The following TNKS2 variants were observed in gnomAD, a reference collection of about 807,000 sequenced individuals.
TNKS2 encodes tankyrase 2.
Under a neutral mutation model 137.6 loss-of-function variants are expected in TNKS2, and 72 were observed. That is an observed-to-expected ratio of 0.52 (90% CI 0.43 to 0.64). The LOEUF is 0.64. TNKS2 is among the 30% of genes least tolerant of loss of function. The probability of loss-of-function intolerance (pLI) is 0.00; values close to 1 mark genes in which losing one functional copy is unlikely to be tolerated. For synonymous variants in TNKS2, 516 were observed against 512.1 expected (o/e 1.01, Z -0.10); for missense variants, 1,049 against 1,410.2 (o/e 0.74, Z 4.10).
chr10:91,861,971 G>A (rs1164950650), intron 25 of TNKS2, 28 bp from the exon 26 acceptor site: 2 of 1,587,448 alleles, frequency 1.3e-6, no homozygotes, highest in Admixed American at 1.8e-5. Flanking sequence ...TTTGACTTCA[G>A]GGTGATCTTT....
At chr10:91,829,405 A>G (rs932368198) in intron 9 of TNKS2, among the ~76,000 whole-genome samples, 3 of 151,654 alleles carry the variant, frequency 2.0e-5, no homozygotes, top group Non-Finnish European at 4.4e-5. Flanking sequence ...TCTGGTCATA[A>G]CTACTGTGAA....
chr10:91,798,773 T>C lies in TNKS2; in HGVS notation c.83T>C (p.Leu28Pro), dbSNP rs900304015. 2 of 1,271,434 alleles carry C rather than the reference T, an allele frequency of 1.6e-6. No homozygotes were observed. Among genetic ancestry groups the C allele is most frequent in the African/African-American group, 1.5e-5 (1 of 64,754 alleles). The allele number at this position is 1,271,434 out of a possible 1,614,324, so 78.8% of individuals were successfully genotyped here. ...AEAVEPAARE[L>P]FEACRNGDVE... ...GCCGTGGAGCCGGCCGCCCGAGAGC[T>C]GTTCGAGGCGTGCCGCAACGGGGAC... The change falls in exon 1 of 27, where the codon CTG becomes CCG. Residue 28 changes from leucine (L) to proline (P), a missense_variant. Leu to Pro is a moderately conservative substitution (Grantham distance 98, BLOSUM62 -3). This residue lies in a region of TNKS2 where 374 missense variants were observed against 460.8 expected (regional missense o/e 0.81). Transcript: ENST00000371627.
chr10:91,804,983 C>T (rs972535518), intron 1 of TNKS2, among the ~76,000 whole-genome samples: 9 of 152,112 alleles, frequency 5.9e-5, no homozygotes, highest in Non-Finnish European at 1.3e-4. Context: ...ATGGTGGTCT[C>T]GAATTCCTGA....
intron 22 of TNKS2, 84 bp from the exon 23 acceptor site, chr10:91,855,524 TAGAATC>T: frequency 3.0e-6 from 3 of 1,010,430 alleles, no homozygotes; most frequent in East Asian, 2.7e-5. Flanking sequence ...TTCTCAAAAA[TAGAATC>T]AGACGAGTCA....
chr10:91,820,945 C>T (rs1471241152), intron 6 of TNKS2, among the ~76,000 whole-genome samples: 1 of 152,208 alleles, frequency 6.6e-6, no homozygotes, highest in Admixed American at 6.5e-5. Flanking sequence ...CAGTGATACA[C>T]ATACGAAATA....
chr10:91,822,019 TC>T (rs917709419), intron 6 of TNKS2, among the ~76,000 whole-genome samples: 1 of 152,146 alleles, frequency 6.6e-6, no homozygotes, highest in Non-Finnish European at 1.5e-5. Context: ...GGGAGCTATT[TC>T]AATAATGCAG....
intron 9 of TNKS2, among the ~76,000 whole-genome samples, chr10:91,829,031 AACTT>A (rs1375120887): frequency 6.6e-6 from 1 of 152,184 alleles, no homozygotes; most frequent in African/African-American, 2.4e-5. Flanking sequence ...GAAAAAAAGA[AACTT>A]AAAGGTAGAA....
At chr10:91,856,568 G>A (rs1476438018) in intron 23 of TNKS2, among the ~76,000 whole-genome samples, 2 of 152,164 alleles carry the variant, frequency 1.3e-5, no homozygotes, top group Non-Finnish European at 2.9e-5. Flanking sequence ...CAGGAGAGAG[G>A]TTGTGTGTTT....
chr10:91,836,062 G>A (rs1404539517), intron 12 of TNKS2, among the ~76,000 whole-genome samples: 7 of 94,440 alleles, frequency 7.4e-5, no homozygotes, highest in Non-Finnish European at 1.1e-4. Context: ...TTTTTTTTGA[G>A]ACGAAGTTTC....
intron 25 of TNKS2, among the ~76,000 whole-genome samples, chr10:91,860,643 T>G (rs1487338370): frequency 6.6e-6 from 1 of 152,218 alleles, no homozygotes; most frequent in East Asian, 1.9e-4. Context: ...GGGCATGATC[T>G]GGATATTAGA....
At chr10:91,860,359 G>A (rs779094236) in intron 25 of TNKS2, among the ~76,000 whole-genome samples, 30 of 152,134 alleles carry the variant, frequency 2.0e-4, no homozygotes, top group Non-Finnish European at 3.1e-4. Context: ...TCAAGCATTA[G>A]CATGCATTAG....
At chr10:91,858,876 G>A (rs935792968) in intron 24 of TNKS2, among the ~76,000 whole-genome samples, 5 of 152,138 alleles carry the variant, frequency 3.3e-5, no homozygotes, top group Non-Finnish European at 5.9e-5. Flanking sequence ...AGGCATGGTG[G>A]TGTGCACCTA....
chr10:91,861,747 CTG>C (rs762661509), intron 25 of TNKS2, among the ~76,000 whole-genome samples: 2 of 152,100 alleles, frequency 1.3e-5, no homozygotes, highest in Non-Finnish European at 2.9e-5. Context: ...GTGGTAGAGT[CTG>C]TATCTCTATA....
intron 2 of TNKS2, 88 bp downstream of exon 2, chr10:91,813,295 G>A: frequency 9.0e-7 from 1 of 1,113,388 alleles, no homozygotes; most frequent in Non-Finnish European, 1.3e-6. Context: ...ATCAAATTAT[G>A]TCAAGCTGAA....
At chr10:91,815,241 C>G (rs1332825953) in intron 2 of TNKS2, among the ~76,000 whole-genome samples, 1 of 152,152 alleles carries the variant, frequency 6.6e-6, no homozygotes, top group Non-Finnish European at 1.5e-5. Context: ...TTAAGTTGGA[C>G]CTCATGGTCC....
intron 1 of TNKS2, among the ~76,000 whole-genome samples, chr10:91,810,927 T>C (rs1159432985): frequency 3.1e-4 from 35 of 111,380 alleles, no homozygotes; most frequent in African/African-American, 1.1e-3. Context: ...TTTCTTTTTT[T>C]TTTTTTTTTT....
Position 91,848,511 on chromosome 10 carries a change from A to G in TNKS2, c.2487A>G (p.Pro829=). The G allele has an allele frequency of 3.1e-6, 5 of 1,614,178 alleles. No homozygotes were observed. Among genetic ancestry groups the G allele is most frequent in the Non-Finnish European group, 3.4e-6 (4 of 1,180,048 alleles). The change falls in exon 19 of 27, where the codon CCA becomes CCG. Residue 829 remains proline, a synonymous_variant. Coordinates refer to ENST00000371627, the MANE Select transcript of TNKS2 (RefSeq NM_025235.4). The part of the protein sequence containing the change: ...GATADALSSG[P]SSPSSLSAAS... The stretch of plus-strand genomic sequence containing the variant: ...CTGCAGATGCTCTCTCTTCAGGTCC[A>G]TCTAGCCCATCAAGCCTTTCTGCAG...
At chr10:91,803,734 T>G (rs1014688104) in intron 1 of TNKS2, among the ~76,000 whole-genome samples, 2 of 152,222 alleles carry the variant, frequency 1.3e-5, no homozygotes, top group Non-Finnish European at 2.9e-5. Flanking sequence ...GCTGTTTGAT[T>G]ATACCTTCCA....
intron 13 of TNKS2, among the ~76,000 whole-genome samples, chr10:91,839,859 G>A (rs1008634735): frequency 3.3e-5 from 5 of 152,158 alleles, no homozygotes; most frequent in Non-Finnish European, 7.3e-5. Flanking sequence ...ATAGAGATCT[G>A]AGATTCTGAA....
Sources: gnomAD v4.1 joint callset for allele counts (sites outside exome capture counted in the v4.1 genomes callset) on GRCh38, gnomAD v4.1.1 for gene constraint, gnomAD v4.1.1 regional missense constraint, MANE v1.5 for transcripts, NCBI Gene and HGNC (gene_info 2026-07-23, HGNC 2026-07-21) for gene names.